The following TMEM65 variants were observed in gnomAD, a reference collection of about 807,000 sequenced individuals.
TMEM65 encodes the protein transmembrane protein 65.
A neutral mutation model predicts 25.4 loss-of-function variants in TMEM65; 22 were observed. The ratio of observed to expected loss-of-function variants is 0.86; its 90% CI spans 0.62 to 1.23. TMEM65 has a LOEUF of 1.23. Among genes scored for constraint, TMEM65 ranks in the 50% most tolerant of loss-of-function variants. TMEM65 has a pLI of 0.00. For missense variants in TMEM65, 262 were observed against 308.2 expected (o/e 0.85, Z 1.12); for synonymous variants, 132 against 126.2 (o/e 1.05, Z -0.31).
intron 1 of TMEM65, among the ~76,000 whole-genome samples, chr8:124,361,793 G>A (rs948686965): frequency 1.3e-5 from 2 of 151,950 alleles, no homozygotes; most frequent in Non-Finnish European, 2.9e-5. Flanking sequence ...CGGAGATTGC[G>A]CCACTGCACT....
chr8:124,313,976 A>G lies in TMEM65; in HGVS notation c.707T>C (p.Leu236Pro). 1 of 1,612,886 alleles carries G rather than the reference A, an allele frequency of 6.2e-7. No individual in the cohort carries two copies. Among genetic ancestry groups the G allele is most frequent in the Non-Finnish European group, 8.5e-7 (1 of 1,179,250 alleles). Residue 236 changes from leucine (L) to proline (P), a missense_variant, in exon 7 of 7, where the codon CTG becomes CCG. Coordinates refer to ENST00000297632, the MANE Select transcript of TMEM65 (RefSeq NM_194291.3). ...CTAAGAGGATTAACTTTTCGTTTCC[A>G]GTTTTTCATCTTCTTCACCTCCTCC... is the stretch of plus-strand genomic sequence containing the variant. ...FFGGGEEDEK[L>P]ETKS
At chr8:124,344,864 A>G (rs1002618276) in intron 1 of TMEM65, among the ~76,000 whole-genome samples, 5 of 152,192 alleles carry the variant, frequency 3.3e-5, no homozygotes, top group Admixed American at 6.5e-5. Context: ...TTAGAACAAT[A>G]AAAACATGAA....
intron 1 of TMEM65, among the ~76,000 whole-genome samples, chr8:124,354,130 A>C (rs2131221693): frequency 6.6e-6 from 1 of 152,270 alleles, no homozygotes; most frequent in Admixed American, 6.5e-5. Flanking sequence ...GACGTGCTAC[A>C]AAAAACCCAA....
chr8:124,314,028 G>A lies in TMEM65; in HGVS notation c.655C>T (p.Leu219=). ...AAGAAAATTAAAGGAAACATTCCTA[G>A]AATGCAGCCAATAGTCACCCCAACA... ...KAVGVTIGCI[L]GMFPLIFFGG... is the part of the protein sequence containing the mutation. Residue 219 remains leucine (L), a synonymous_variant, in exon 7 of 7, where the codon CTA becomes TTA. Coordinates refer to ENST00000297632, the MANE Select transcript of TMEM65 (RefSeq NM_194291.3). 2 of 1,613,460 alleles carry A rather than the reference G, an allele frequency of 1.2e-6. No individual in the cohort carries two copies. The highest frequency in any genetic ancestry group is 1.7e-6 in the Non-Finnish European group (2 of 1,179,726).
At chr8:124,323,931 C>A (rs747168503) in intron 3 of TMEM65, among the ~76,000 whole-genome samples, 1 of 152,056 alleles carries the variant, frequency 6.6e-6, no homozygotes, top group Non-Finnish European at 1.5e-5. Flanking sequence ...AAACAAAGCC[C>A]CATCGTATCG....
intron 1 of TMEM65, among the ~76,000 whole-genome samples, chr8:124,339,895 C>T (rs781142277): frequency 6.6e-6 from 1 of 151,860 alleles, no homozygotes; most frequent in Non-Finnish European, 1.5e-5. Context: ...CTAAGGACAA[C>T]TTAGAATTAC....
chr8:124,330,059 G>A (rs531641084), intron 2 of TMEM65, among the ~76,000 whole-genome samples: 14 of 151,866 alleles, frequency 9.2e-5, no homozygotes, highest in African/African-American at 2.9e-4. Context: ...CTACTAATTT[G>A]TGGCTTCTTC....
chr8:124,328,357 T>C (rs1346911525), intron 2 of TMEM65, among the ~76,000 whole-genome samples: 4 of 151,266 alleles, frequency 2.6e-5, no homozygotes, highest in African/African-American at 2.4e-5. Context: ...TGAGCTAAGA[T>C]TGCACCACTG....
chr8:124,360,429 C>CAAAAAAAAA (rs55829098), intron 1 of TMEM65, among the ~76,000 whole-genome samples: 8 of 70,638 alleles, frequency 1.1e-4, no homozygotes, highest in African/African-American at 4.0e-4. Flanking sequence ...GACTCTGTCA[C>CAAAAAAAAA]AAAAAAAAAA....
intron 1 of TMEM65, among the ~76,000 whole-genome samples, chr8:124,360,996 A>G (rs1232010094): frequency 1.3e-5 from 2 of 152,232 alleles, no homozygotes; most frequent in South Asian, 2.1e-4. Context: ...AGAAAGGTTA[A>G]GTATACTTAG....
In TMEM65 at chr8:124,365,522, T is replaced by C. The variant is rs536116247; in HGVS notation, c.304+6332A>G. 2.6e-5 allele frequency among the ~76,000 whole-genome samples: 4 copies of C among 152,302 alleles called. No individual in the cohort carries two copies. The East Asian group carries it at 7.7e-4, about 29-fold the overall frequency. On this transcript the variant is annotated intron_variant, in intron 1 of 6. Coordinates refer to ENST00000297632, the MANE Select transcript of TMEM65 (RefSeq NM_194291.3). ...AACAAGTCTGTGGTAGGATGAATAATGGCCCCCAAAGATATCCCACATTCT... is the reference window on the plus strand; with the variant it reads ...AACAAGTCTGTGGTAGGATGAATAACGGCCCCCAAAGATATCCCACATTCT...
chr8:124,337,267 A>G (rs1421507849), intron 1 of TMEM65, among the ~76,000 whole-genome samples: 2 of 151,994 alleles, frequency 1.3e-5, no homozygotes, highest in Non-Finnish European at 2.9e-5. Context: ...TGAGGAAATA[A>G]TTTTCAACTC....
At chr8:124,349,189 T>C (rs1333048341) in intron 1 of TMEM65, among the ~76,000 whole-genome samples, 1 of 152,198 alleles carries the variant, frequency 6.6e-6, no homozygotes, top group Non-Finnish European at 1.5e-5. Context: ...CAAGAATCAA[T>C]TGTATGTGCA....
At chr8:124,334,924 T>C (rs1456992341) in intron 1 of TMEM65, among the ~76,000 whole-genome samples, 1 of 151,384 alleles carries the variant, frequency 6.6e-6, no homozygotes, top group African/African-American at 2.4e-5. Flanking sequence ...ATTGAAAAAA[T>C]AATAAACCTG....
rs115544651 is a variant in TMEM65, at chr8:124,363,499, C to G, written c.304+8355G>C. On this transcript the variant is annotated intron_variant, in intron 1 of 6. Transcript: ENST00000297632. ...TGCTTAATTCTGATGCATTTTCAAC[C>G]AAGCAGCCTGTTCATTAATCCCCTA... 9.0e-3 allele frequency among the ~76,000 whole-genome samples: 1,367 copies of G among 152,150 alleles called. 21 individuals are homozygous for G. The highest frequency in any genetic ancestry group is 0.031 in the African/African-American group (1,304 of 41,528).
chr8:124,345,676 C>G (rs1814632253), intron 1 of TMEM65, among the ~76,000 whole-genome samples: 1 of 152,124 alleles, frequency 6.6e-6, no homozygotes, highest in Non-Finnish European at 1.5e-5. Context: ...TTAATCCATT[C>G]TTACACTGCT....
intron 1 of TMEM65, among the ~76,000 whole-genome samples, chr8:124,362,379 T>C (rs1814879007): frequency 6.6e-6 from 1 of 150,936 alleles, no homozygotes; most frequent in African/African-American, 2.4e-5. Context: ...TAGAAAAAAT[T>C]GGCTGGTCGC....
At chr8:124,330,889 G>A (rs62529967) in intron 1 of TMEM65, 97 bp from the exon 2 acceptor site, 31,295 of 1,093,840 alleles carry the variant, frequency 0.029, 540 homozygotes, top group Non-Finnish European at 0.033. Context: ...TACAACGTGG[G>A]AGAATATCAG....
chr8:124,336,971 GAA>G (rs1196793760), intron 1 of TMEM65, among the ~76,000 whole-genome samples: 1 of 151,748 alleles, frequency 6.6e-6, no homozygotes. Context: ...ATATTAAAAA[GAA>G]AAGAGTATTA....
Sources: allele counts gnomAD v4.1 joint callset (sites outside exome capture counted in the v4.1 genomes callset), GRCh38; gene constraint gnomAD v4.1.1; transcripts MANE v1.5; gene names NCBI Gene and HGNC (gene_info 2026-07-23, HGNC 2026-07-21).